The following TRIML1 variants were observed in gnomAD, a reference collection of about 807,000 sequenced individuals.
TRIML1 encodes the protein probable E3 ubiquitin-protein ligase TRIML1.
In TRIML1, 34 loss-of-function variants were observed where a neutral mutation model predicts 32.3. That is an observed-to-expected ratio of 1.05 (90% CI 0.80 to 1.40). The LOEUF is 1.40. Ranked by LOEUF, TRIML1 falls within the 40% of genes most tolerant of loss-of-function variation. TRIML1 has a pLI of 0.00. For synonymous variants in TRIML1, 244 were observed against 226.6 expected, an observed-to-expected ratio of 1.08 and a Z score of -0.69; for missense variants, 595 against 574.9, an observed-to-expected ratio of 1.03 and a Z score of -0.36.
At chr4:188,141,070 T>G (rs1734834043) in intron 2 of TRIML1, among the ~76,000 whole-genome samples, 1 of 152,122 alleles carries the variant, frequency 6.6e-6, no homozygotes, top group Admixed American at 6.6e-5. Flanking sequence ...CGGACTTGGA[T>G]TTGAGCTCTC....
In TRIML1 at chr4:188,142,455, T is replaced by C. The variant is rs144034079; in HGVS notation, c.708T>C (p.Ser236=). The part of the protein sequence containing the change: ...SKMIAQIESS[S]QSSAFESLEE... The stretch of plus-strand genomic sequence containing the variant: ...TGATCGCACAGATTGAGTCCTCAAG[T>C]CAAAGCTCGGCTTTCGAATCTCTTG... The change falls in exon 3 of 6, where the codon AGT becomes AGC. Residue 236 remains serine (S), a synonymous_variant. Transcript: ENST00000332517. 5 of 1,613,698 alleles carry C rather than the reference T, an allele frequency of 3.1e-6. No homozygotes were observed. The African/African-American group carries it at 6.7e-5, about 22-fold the overall frequency.
chr4:188,141,868 T>C (rs28403064), intron 2 of TRIML1, among the ~76,000 whole-genome samples: 5,177 of 152,046 alleles, frequency 0.034, 290 homozygotes, highest in African/African-American at 0.12. Context: ...ATCCCAGCAC[T>C]TTGGGAGGCT....
In TRIML1 at chr4:188,143,486, G is replaced by A. The variant is rs906273828; in HGVS notation, c.736-352G>A. ...ACCACCCCGACCTGACACAGGCTTG[G>A]TTAGCCTCAGTTCTCACCAGCCCAT... is the stretch of plus-strand genomic sequence containing the variant. On this transcript the variant is annotated intron_variant, in intron 3 of 5. Transcript: ENST00000332517. 3 of 319,506 alleles carry A rather than the reference G, an allele frequency of 9.4e-6. No individual in the cohort carries two copies. The Admixed American group carries it at 1.3e-4, about 14-fold the overall frequency. 19.8% of individuals were successfully genotyped at this position (319,506 alleles called of 1,614,324 possible). A position where few individuals can be genotyped will look rare whatever the true frequency, so the allele number is the denominator to read the frequency against.
intron 2 of TRIML1, among the ~76,000 whole-genome samples, chr4:188,141,674 C>T (rs894617549): frequency 4.6e-5 from 7 of 152,080 alleles, no homozygotes; most frequent in East Asian, 1.9e-4. Context: ...TCCACTAGAA[C>T]GACCGCCTCC....
In TRIML1 at chr4:188,142,327, C is replaced by G. The variant is rs753494682; in HGVS notation, c.580C>G (p.Gln194Glu). 25 of 1,612,852 alleles carry G rather than the reference C, an allele frequency of 1.6e-5. No individual in the cohort carries two copies. In the South Asian group the frequency reaches 2.6e-4, roughly 17 times the overall value. The change falls in exon 3 of 6, where the codon CAG becomes GAG. Residue 194 changes from glutamine (Q) to glutamate (E), a missense_variant. By Grantham distance (29) the Gln-to-Glu change is conservative. Transcript: ENST00000332517. ...GCACCAGTTCCTGAAGGAAGAGGAG[C>G]AGCTGCAACTCCAGCTACTAGAACA... ...KMHQFLKEEE[Q>E]LQLQLLEQEE...
Position 188,145,009 on chromosome 4 carries a change from C to T in TRIML1, c.856+876C>T, listed in dbSNP as rs112885809. On this transcript the variant is annotated intron_variant, in intron 5 of 5. Transcript: ENST00000332517. ...CCCGGCACTATGCTACTGGGCTCTG[C>T]GCTTACTTACAATGATAAGTAAGGC... Among the ~76,000 whole-genome samples, 388 of 152,248 alleles carry T rather than the reference C, an allele frequency of 2.5e-3. 3 individuals carry two copies. Among genetic ancestry groups the T allele is most frequent in the African/African-American group, 9.0e-3 (376 of 41,552 alleles).
chr4:188,147,032 G>C lies in TRIML1; in HGVS notation c.1067G>C (p.Gly356Ala), dbSNP rs1326434594. 1.9e-6 allele frequency: 3 copies of C among 1,608,390 alleles called. No individual in the cohort carries two copies. The highest frequency in any genetic ancestry group is 2.5e-6 in the Non-Finnish European group (3 of 1,176,962). Residue 356 changes from glycine (G) to alanine (A), a missense_variant, in exon 6 of 6, where the codon GGC (glycine) becomes GCC (alanine). By Grantham distance (60) the Gly-to-Ala change is moderately conservative. Coordinates refer to ENST00000332517, the MANE Select transcript of TRIML1 (RefSeq NM_178556.5). ...EVGNKTEWEV[G>A]ICKDSVSRKG... ...GGAAACAAGACCGAGTGGGAAGTGG[G>C]CATCTGCAAGGACTCTGTGAGCAGA...
rs747271668 is a variant in TRIML1 at position 188,142,397 on chromosome 4, A to G, written c.650A>G (p.Lys217Arg). Residue 217 changes from lysine (K) to arginine (R), a missense_variant, in exon 3 of 6, where the codon AAA becomes AGA. Lys to Arg is a conservative substitution (Grantham distance 26). Coordinates refer to ENST00000332517, the MANE Select transcript of TRIML1 (RefSeq NM_178556.5). ...AGGAAGCTGAGGAACAATGAGATCA[A>G]ACTGACCCAGCAAATCAGAAGCCTA... Reference protein sequence around the residue: ...NMRKLRNNEIKLTQQIRSLSK... With the variant: ...NMRKLRNNEIRLTQQIRSLSK... The G allele has an allele frequency of 6.2e-7, 1 of 1,613,954 alleles. No individual in the cohort carries two copies. Among genetic ancestry groups the G allele is most frequent in the Non-Finnish European group, 8.5e-7 (1 of 1,180,008 alleles).
chr4:188,142,205 CTCGTGTGTGT>C (rs760332647), intron 2 of TRIML1, 37 bp from the exon 3 acceptor site: 10 of 1,173,694 alleles, frequency 8.5e-6, no homozygotes, highest in South Asian at 1.4e-5. Context: ...CTAACTTTAT[CTCGTGTGTGT>C]GTGTGTGTGT....
chr4:188,146,863 G>A lies in TRIML1; in HGVS notation c.898G>A (p.Val300Met), dbSNP rs200016892. The change falls in exon 6 of 6, where the codon GTG becomes ATG. Residue 300 changes from valine to methionine, a missense_variant. By Grantham distance (21) the Val-to-Met change is conservative. Coordinates refer to ENST00000332517, the MANE Select transcript of TRIML1 (RefSeq NM_178556.5). ...CCCAGCCACAGCTAATGCCTATCTC[G>A]TGTTGTCGGAGGATCTGAAGAGTGT... ...LDPATANAYL[V>M]LSEDLKSVKY... 7.9e-5 allele frequency: 113 copies of A among 1,438,800 alleles called. No homozygotes were observed. The highest frequency in any genetic ancestry group is 7.3e-5 in the Non-Finnish European group (80 of 1,092,506). 89.1% of individuals were successfully genotyped at this position (1,438,800 alleles called of 1,614,324 possible). A position where few individuals can be genotyped will look rare whatever the true frequency, so the allele number is the denominator to read the frequency against.
chr4:188,139,996 G>T (rs762216429), intron 1 of TRIML1, 30 bp downstream of exon 1: 1 of 1,556,638 alleles, frequency 6.4e-7, no homozygotes, highest in South Asian at 1.2e-5. Context: ...TGAACCCCAC[G>T]ACTCATCGCA....
Position 188,140,602 on chromosome 4 carries a change from G to A in TRIML1, c.483G>A (p.Lys161=), listed in dbSNP as rs1289969423. 1.9e-6 allele frequency: 3 copies of A among 1,613,732 alleles called. No homozygotes were observed. The highest frequency in any genetic ancestry group is 1.3e-5 in the African/African-American group (1 of 74,894). ...KEAQAVLTHE[K]ERVKLCQEET... ...CTCAGGCTGTACTAACCCATGAGAA[G>A]GAGAGAGTGAAACTGTGCCAGGTCG... The change falls in exon 2 of 6, where the codon AAG becomes AAA. Residue 161 remains lysine, a synonymous_variant. Transcript: ENST00000332517.
In TRIML1 at chr4:188,144,122, G is replaced by A; in HGVS notation, c.845G>A (p.Arg282Lys). 6.2e-7 allele frequency: 1 copy of A among 1,613,910 alleles called. No homozygotes were observed. Among genetic ancestry groups the A allele is most frequent in the Non-Finnish European group, 8.5e-7 (1 of 1,179,950 alleles). ...CRITGMKEML[R>K]KFSTEITLDP... ...ATCACGGGAATGAAGGAGATGCTAA[G>A]AAAATTCAGCAGTAAGTCAGCCTGA... is the stretch of plus-strand genomic sequence containing the variant. The change falls in exon 5 of 6, where the codon AGA becomes AAA. Residue 282 changes from arginine (R) to lysine (K), a missense_variant. Arg to Lys is a conservative substitution (Grantham distance 26, BLOSUM62 2). Coordinates refer to ENST00000332517, the MANE Select transcript of TRIML1 (RefSeq NM_178556.5).
chr4:188,139,983 G>T lies in TRIML1; in HGVS notation c.408+17G>T. On this transcript the variant is annotated intron_variant, in intron 1 of 5. Transcript: ENST00000332517. The stretch of plus-strand genomic sequence containing the variant: ...CATCACAGAGTAAGACAGCTGCTCA[G>T]CATGAACCCCACGACTCATCGCAGC... 6.3e-7 allele frequency: 1 copy of T among 1,583,166 alleles called. No individual in the cohort carries two copies. The highest frequency in any genetic ancestry group is 2.2e-5 in the East Asian group (1 of 44,464).
upstream of TRIML1, among the ~76,000 whole-genome samples, chr4:188,137,915 ACTTTTTTT>A (rs1182535843): frequency 3.2e-5 from 2 of 61,942 alleles, no homozygotes; most frequent in Non-Finnish European, 9.8e-5. Flanking sequence ...GCCTGGCCAA[ACTTTTTTT>A]CTTTTTTTTT....
Position 188,142,322 on chromosome 4 carries a change from A to G in TRIML1, c.575A>G (p.Glu192Gly). ...YMKMHQFLKE[E>G]EQLQLQLLEQ... Reference sequence around the variant, plus strand: ...AAAATGCACCAGTTCCTGAAGGAAGAGGAGCAGCTGCAACTCCAGCTACTA... The same window carrying G: ...AAAATGCACCAGTTCCTGAAGGAAGGGGAGCAGCTGCAACTCCAGCTACTA... Residue 192 changes from glutamate (E) to glycine (G), a missense_variant, in exon 3 of 6, where the codon GAG becomes GGG. Glu to Gly is a moderately conservative substitution (Grantham distance 98). Transcript: ENST00000332517. 6.2e-7 allele frequency: 1 copy of G among 1,613,438 alleles called. No homozygotes were observed. The highest frequency in any genetic ancestry group is 8.5e-7 in the Non-Finnish European group (1 of 1,179,936).
At chr4:188,150,421 A>AT (rs1251407524), downstream of TRIML1, among the ~76,000 whole-genome samples, 1 of 152,118 alleles carries the variant, frequency 6.6e-6, no homozygotes, top group Non-Finnish European at 1.5e-5. Context: ...GAGCCACCGC[A>AT]CCTGGGCCCC....
Position 188,144,176 on chromosome 4 carries a change from T to G in TRIML1, c.856+43T>G. The G allele has an allele frequency of 9.2e-6, 14 of 1,519,940 alleles. 1 individual carries two copies. The highest frequency in any genetic ancestry group is 1.3e-5 in the Non-Finnish European group (14 of 1,101,608). The allele number at this position is 1,519,940 out of a possible 1,614,324, so 94.2% of individuals were successfully genotyped here. A position where few individuals can be genotyped will look rare whatever the true frequency, so the allele number is the denominator to read the frequency against. On this transcript the variant is annotated intron_variant, in intron 5 of 5. Transcript: ENST00000332517. ...GTTACCCCTCCGGGGCTCGAAGAAT[T>G]AACTTCAGCATACCTTCTTCCAGTG...
downstream of TRIML1, among the ~76,000 whole-genome samples, chr4:188,149,898 G>A (rs1444831167): frequency 6.6e-6 from 1 of 152,060 alleles, no homozygotes; most frequent in Non-Finnish European, 1.5e-5. Flanking sequence ...TAACCCCTGG[G>A]TTCAAACGAT....
Sources: gnomAD v4.1 joint callset for allele counts (sites outside exome capture counted in the v4.1 genomes callset) on GRCh38, gnomAD v4.1.1 for gene constraint, MANE v1.5 for transcripts, NCBI Gene and HGNC (gene_info 2026-07-23, HGNC 2026-07-21) for gene names.